The following CSTF1 variants were observed in gnomAD, a reference collection of about 807,000 sequenced individuals.
The protein encoded by CSTF1 is CF-1 50 kDa subunit.
In CSTF1, 2 loss-of-function variants were observed where a neutral mutation model predicts 40.9. That is an observed-to-expected ratio of 0.05 (90% CI 0.02 to 0.15). The LOEUF is 0.15. CSTF1 is among the 10% of genes least tolerant of loss of function. The pLI is 1.00. For missense variants in CSTF1, 279 were observed against 558.9 expected (o/e 0.50, Z 5.05); for synonymous variants, 218 against 207.2 (o/e 1.05, Z -0.45).
Position 56,398,954 on chromosome 20 carries a change from T to A in CSTF1, c.646-13T>A. The A allele has an allele frequency of 6.3e-7, 1 of 1,583,134 alleles. No individual in the cohort carries two copies. The highest frequency in any genetic ancestry group is 8.6e-7 in the Non-Finnish European group (1 of 1,163,152). On this transcript the variant is annotated splice_polypyrimidine_tract_variant and intron_variant, in intron 4 of 5. Coordinates refer to ENST00000217109, the MANE Select transcript of CSTF1 (RefSeq NM_001324.3). Reference sequence around the variant, plus strand: ...CCAGTTGGTCACTTGTATTAATGTCTCTGTCCCAACAGGAAGCTGAAATGT... The same window carrying A: ...CCAGTTGGTCACTTGTATTAATGTCACTGTCCCAACAGGAAGCTGAAATGT...
In CSTF1 at chr20:56,405,546, T is replaced by C. The variant is rs1978671397; in HGVS notation, c.*1819T>C. ...GTTACTGAAGTTATTGCGTAAACAT[T>C]CTGTTTTAGTCATCCTTGAGGATCG... On this transcript the variant is annotated 3_prime_UTR_variant, in exon 6 of 6. Transcript: ENST00000217109. 1 of 152,244 alleles carries C rather than the reference T, an allele frequency of 6.6e-6. No individual in the cohort carries two copies. Among genetic ancestry groups the C allele is most frequent in the Non-Finnish European group, 1.5e-5 (1 of 68,052 alleles). 9.4% of individuals were successfully genotyped at this position (152,244 alleles called of 1,614,324 possible).
chr20:56,398,737 G>A (rs1978333344), intron 4 of CSTF1, among the ~76,000 whole-genome samples: 1 of 152,156 alleles, frequency 6.6e-6, no homozygotes, highest in Non-Finnish European at 1.5e-5. Flanking sequence ...AAATAATGAA[G>A]CTCACTTCTG....
At chr20:56,398,578 T>A (rs962628243) in intron 4 of CSTF1, among the ~76,000 whole-genome samples, 3 of 152,018 alleles carry the variant, frequency 2.0e-5, no homozygotes, top group African/African-American at 4.8e-5. Flanking sequence ...CTGAAAAAAA[T>A]AATAATAAAC....
At chr20:56,393,504 G>A (rs1987387685) in intron 1 of CSTF1, among the ~76,000 whole-genome samples, 1 of 151,486 alleles carries the variant, frequency 6.6e-6, no homozygotes, top group South Asian at 2.1e-4. Flanking sequence ...CATTTTTTTC[G>A]GGTAACTGAA....
Position 56,399,598 on chromosome 20 carries a change from C to G in CSTF1, c.1036+241C>G, listed in dbSNP as rs1433003184. ...GAGCACCTCACACCGTGGACTAGGG[C>G]TGGATTCCATGCAAGTAACATTTGA... is the stretch of plus-strand genomic sequence containing the variant. On this transcript the variant is annotated intron_variant, in intron 5 of 5. Transcript: ENST00000217109. The surrounding 1 kb of genome is among the most constrained non-coding windows in gnomAD (Gnocchi z 4.6). Among the ~76,000 whole-genome samples, 2 of 152,214 alleles carry G rather than the reference C, an allele frequency of 1.3e-5. No homozygotes were observed. Among genetic ancestry groups the G allele is most frequent in the East Asian group, 1.9e-4 (1 of 5,204 alleles).
chr20:56,397,131 G>A lies in CSTF1; in HGVS notation c.170-76G>A, dbSNP rs773818301. On this transcript the variant is annotated intron_variant, in intron 2 of 5. Transcript: ENST00000217109. This position sits in a 1 kb window ranked among gnomAD's most constrained non-coding sequence, Gnocchi z 4.4. ...ACACTGGTGAGCATCTTTCCAGTTT[G>A]GATCTAGAATTTTATCTTGGCCTTT... The A allele has an allele frequency of 1.6e-5, 23 of 1,481,690 alleles. No individual in the cohort carries two copies. Among genetic ancestry groups the A allele is most frequent in the Non-Finnish European group, 2.1e-5 (23 of 1,089,432 alleles). The allele number at this position is 1,481,690 out of a possible 1,614,324, so 91.8% of individuals were successfully genotyped here. A position where few individuals can be genotyped will look rare whatever the true frequency, so the allele number is the denominator to read the frequency against.
chr20:56,395,392 C>A (rs770858311), intron 1 of CSTF1, 129 bp from the exon 2 acceptor site: 2 of 576,808 alleles, frequency 3.5e-6, no homozygotes, highest in Non-Finnish European at 5.9e-6. Context: ...AGGTCACTGA[C>A]CAAAGATAAT....
chr20:56,403,296 G>A (rs1422612816), intron 5 of CSTF1, among the ~76,000 whole-genome samples, 172 bp from the exon 6 acceptor site: 5 of 151,996 alleles, frequency 3.3e-5, no homozygotes, highest in African/African-American at 4.8e-5. Flanking sequence ...GATTACAGAC[G>A]TGAGCCACTG....
rs1978694660 is a variant in CSTF1, at chr20:56,406,124, T to G, written c.*2397T>G. On this transcript the variant is annotated 3_prime_UTR_variant, in exon 6 of 6. Coordinates refer to ENST00000217109, the MANE Select transcript of CSTF1 (RefSeq NM_001324.3). Reference sequence around the variant, plus strand: ...TTCATTTTTTGTGGGTTTGTTTTTTTTGTGTTTGTTTGGTTGGTTGGTTTT... The same window carrying G: ...TTCATTTTTTGTGGGTTTGTTTTTTGTGTGTTTGTTTGGTTGGTTGGTTTT... 1 of 152,134 alleles carries G rather than the reference T, an allele frequency of 6.6e-6. No individual in the cohort carries two copies. Among genetic ancestry groups the G allele is most frequent in the Non-Finnish European group, 1.5e-5 (1 of 68,026 alleles). The allele number at this position is 152,134 out of a possible 1,614,324, so 9.4% of individuals were successfully genotyped here.
chr20:56,397,766 T>G lies in CSTF1; in HGVS notation c.570T>G (p.Ser190=). 6.2e-7 allele frequency: 1 copy of G among 1,614,216 alleles called. No homozygotes were observed. Among genetic ancestry groups the G allele is most frequent in the Non-Finnish European group, 8.5e-7 (1 of 1,180,004 alleles). The change falls in exon 4 of 6, where the codon TCT becomes TCG. Residue 190 remains serine, a synonymous_variant. Coordinates refer to ENST00000217109, the MANE Select transcript of CSTF1 (RefSeq NM_001324.3). The surrounding 1 kb of genome is among the most constrained non-coding windows in gnomAD (Gnocchi z 4.4). ...AFHPTEQILA[S]GSRDYTLKLF... ...ACCCAACAGAACAGATCCTGGCTTC[T>G]GGTTCAAGGGATTATACTCTTAAAT... is the stretch of plus-strand genomic sequence containing the variant.
chr20:56,402,275 C>A (rs1184759805), intron 5 of CSTF1, among the ~76,000 whole-genome samples: 4 of 151,286 alleles, frequency 2.6e-5, no homozygotes, highest in Non-Finnish European at 5.9e-5. Flanking sequence ...CCATTGCACT[C>A]CAGCCTGGGC....
chr20:56,395,410 G>A lies in CSTF1; in HGVS notation c.-32-111G>A, dbSNP rs1354238734. On this transcript the variant is annotated intron_variant, in intron 1 of 5. Transcript: ENST00000217109. The stretch of plus-strand genomic sequence containing the variant: ...TCACTGACCAAAGATAATGCAGCTA[G>A]TAGAGATGGGATTTGAGTCCTGCAA... 7 of 632,840 alleles carry A rather than the reference G, an allele frequency of 1.1e-5. No homozygotes were observed. In the East Asian group the frequency reaches 1.1e-4, roughly 10 times the overall value. 39.2% of individuals were successfully genotyped at this position (632,840 alleles called of 1,614,324 possible).
chr20:56,398,891 C>A (rs998920020), intron 4 of CSTF1, 76 bp from the exon 5 acceptor site: 14 of 1,318,490 alleles, frequency 1.1e-5, no homozygotes, highest in Non-Finnish European at 1.1e-5. Flanking sequence ...TTTCATCAGC[C>A]AGATATTTTC....
chr20:56,402,350 A>G lies in CSTF1; in HGVS notation c.1037-1118A>G, dbSNP rs573896413. On this transcript the variant is annotated intron_variant, in intron 5 of 5. Coordinates refer to ENST00000217109, the MANE Select transcript of CSTF1 (RefSeq NM_001324.3). The stretch of plus-strand genomic sequence containing the variant: ...GAGAATTTACAAGTGAGCACATAAC[A>G]CTTAGATATTTCGAAAGAGTATTCA... 8.5e-5 allele frequency among the ~76,000 whole-genome samples: 13 copies of G among 152,122 alleles called. No homozygotes were observed. In the South Asian group the frequency reaches 2.7e-3, roughly 32 times the overall value.
Position 56,399,389 on chromosome 20 carries a change from C to G in CSTF1, c.1036+32C>G. 1 of 1,573,040 alleles carries G rather than the reference C, an allele frequency of 6.4e-7. No homozygotes were observed. The highest frequency in any genetic ancestry group is 8.6e-7 in the Non-Finnish European group (1 of 1,157,794). ...GAGACGTTGATGTTACTTAACATTT[C>G]TGTAGTGTTTACACTTTCCAGAACT... On this transcript the variant is annotated intron_variant, in intron 5 of 5. Coordinates refer to ENST00000217109, the MANE Select transcript of CSTF1 (RefSeq NM_001324.3). The surrounding 1 kb of genome is among the most constrained non-coding windows in gnomAD (Gnocchi z 4.6).
intron 1 of CSTF1, among the ~76,000 whole-genome samples, chr20:56,393,123 T>TAC (rs1987339211): frequency 7.6e-6 from 1 of 132,084 alleles, no homozygotes; most frequent in Non-Finnish European, 1.6e-5. Flanking sequence ...TTAAAATATA[T>TAC]ATATATATAC....
chr20:56,402,663 A>C (rs1311679699), intron 5 of CSTF1, among the ~76,000 whole-genome samples: 1 of 152,182 alleles, frequency 6.6e-6, no homozygotes, highest in Non-Finnish European at 1.5e-5. Flanking sequence ...CAGGCCGGGC[A>C]TGGTGGCTCA....
chr20:56,400,488 T>C (rs918469558), intron 5 of CSTF1, among the ~76,000 whole-genome samples: 5 of 152,204 alleles, frequency 3.3e-5, no homozygotes, highest in Non-Finnish European at 7.3e-5. Flanking sequence ...ATAACTGTTT[T>C]AAGGAGTGTG....
chr20:56,399,501 A>G lies in CSTF1; in HGVS notation c.1036+144A>G. ...CCCTTTCTTAGATAAGAGGAAACCA[A>G]GACTTACAGGTTAAGTCATTTAGCC... is the stretch of plus-strand genomic sequence containing the variant. On this transcript the variant is annotated intron_variant, in intron 5 of 5. Coordinates refer to ENST00000217109, the MANE Select transcript of CSTF1 (RefSeq NM_001324.3). This position sits in a 1 kb window ranked among gnomAD's most constrained non-coding sequence, Gnocchi z 4.6. The G allele has an allele frequency of 1.3e-6, 1 of 781,284 alleles. No individual in the cohort carries two copies. The allele number at this position is 781,284 out of a possible 1,614,324, so 48.4% of individuals were successfully genotyped here.
Sources: allele counts gnomAD v4.1 joint callset (sites outside exome capture counted in the v4.1 genomes callset), GRCh38; gene constraint gnomAD v4.1.1; non-coding constraint Gnocchi (gnomAD v3.1); transcripts MANE v1.5; gene names NCBI Gene and HGNC (gene_info 2026-07-23, HGNC 2026-07-21).